B3GAT1: variants seen among roughly 807,000 people sequenced by gnomAD.
The protein encoded by B3GAT1 is galactosylgalactosylxylosylprotein 3-beta-glucuronosyltransferase 1.
A neutral mutation model predicts 28.4 loss-of-function variants in B3GAT1; 11 were observed. The observed-to-expected ratio is 0.39, with a 90% CI of 0.24 to 0.64. The LOEUF is 0.64. Among genes scored for constraint, B3GAT1 ranks in the 30% least tolerant of loss-of-function variants. The probability of loss-of-function intolerance (pLI) is 0.50; values close to 1 mark genes in which losing one functional copy is unlikely to be tolerated. For synonymous variants in B3GAT1, 255 were observed against 223.1 expected (o/e 1.14, Z -1.27); for missense variants, 375 against 491.0 (o/e 0.76, Z 2.23).
intron 1 of B3GAT1, among the ~76,000 whole-genome samples, chr11:134,395,800 C>T (rs1944494101): frequency 6.6e-6 from 1 of 152,200 alleles, no homozygotes; most frequent in African/African-American, 2.4e-5. Context: ...CCAATTCCTA[C>T]ACACTTGGCA....
chr11:134,388,766 C>T (rs958463240), intron 1 of B3GAT1: 1 of 152,222 alleles, frequency 6.6e-6, no homozygotes, highest in Non-Finnish European at 1.5e-5. Flanking sequence ...TGCATCCAGG[C>T]TGCTGCAAAG....
intron 1 of B3GAT1, among the ~76,000 whole-genome samples, chr11:134,392,529 C>T (rs1199056935): frequency 6.6e-6 from 1 of 152,152 alleles, no homozygotes; most frequent in Non-Finnish European, 1.5e-5. Flanking sequence ...GCCACCATGT[C>T]CAGCTAATTT....
At chr11:134,405,021 C>T (rs1237873932) in intron 1 of B3GAT1, among the ~76,000 whole-genome samples, 3 of 152,236 alleles carry the variant, frequency 2.0e-5, no homozygotes, top group South Asian at 4.1e-4. Context: ...CACGAGCGGC[C>T]GTCTCTCCCA....
chr11:134,401,613 A>G lies in B3GAT1; in HGVS notation c.-282+10194T>C, dbSNP rs192635586. Among the ~76,000 whole-genome samples, 529 of 152,230 alleles carry G rather than the reference A, an allele frequency of 3.5e-3. 2 individuals carry two copies. The highest frequency in any genetic ancestry group is 5.5e-3 in the Non-Finnish European group (373 of 68,010). ...GGGAGGGGGGAAGGGTTGAAAAACT[A>G]CCTACTGGTTACCATGCTCAGTACC... On this transcript the variant is annotated intron_variant, in intron 1 of 5. Transcript: ENST00000312527.
intron 1 of B3GAT1, chr11:134,388,304 A>T (rs949540216): frequency 4.8e-6 from 1 of 210,196 alleles, no homozygotes; most frequent in African/African-American, 2.2e-5. Flanking sequence ...GGCACTGTGG[A>T]TCCCTACCTC....
intron 1 of B3GAT1, among the ~76,000 whole-genome samples, chr11:134,407,731 A>T (rs1490719780): frequency 6.7e-6 from 1 of 150,156 alleles, no homozygotes; most frequent in African/African-American, 2.5e-5. Flanking sequence ...AATTTGCTGT[A>T]GCTGCAAAAA....
intron 3 of B3GAT1, 112 bp downstream of exon 3, chr11:134,383,568 G>A (rs1365621509): frequency 2.9e-6 from 4 of 1,369,722 alleles, no homozygotes; most frequent in African/African-American, 2.9e-5. Flanking sequence ...CTCCCAGCCC[G>A]GCTTCCCGGG....
At chr11:134,404,383 A>G (rs747815944) in intron 1 of B3GAT1, among the ~76,000 whole-genome samples, 24 of 152,144 alleles carry the variant, frequency 1.6e-4, no homozygotes, top group Non-Finnish European at 2.9e-4. Flanking sequence ...ACAACAATGT[A>G]AATATACTCA....
chr11:134,404,585 G>A (rs1258377823), intron 1 of B3GAT1, among the ~76,000 whole-genome samples: 1 of 152,184 alleles, frequency 6.6e-6, no homozygotes, highest in Non-Finnish European at 1.5e-5. Context: ...GTGTCTGTGT[G>A]TGATCTCAAG....
chr11:134,404,830 G>C (rs1482357200), intron 1 of B3GAT1, among the ~76,000 whole-genome samples: 1 of 152,234 alleles, frequency 6.6e-6, no homozygotes. Context: ...GATGAGTTAG[G>C]AGAGTAATAC....
intron 1 of B3GAT1, among the ~76,000 whole-genome samples, chr11:134,404,259 G>C (rs1173593043): frequency 1.3e-5 from 2 of 151,144 alleles, no homozygotes; most frequent in Non-Finnish European, 3.0e-5. Flanking sequence ...CTATGAGTGA[G>C]AACATGCGGT....
At position 134,412,008 on chromosome 11, in the gene B3GAT1, G is replaced by A. The variant is rs1164888182; in HGVS notation, c.-483C>T. ...CCGCCCCGCCCGGCCCCGCCGCCCCGGCCCGGCTCGTTCTGGGCTCAGCGA... is the reference window on the plus strand; with the variant it reads ...CCGCCCCGCCCGGCCCCGCCGCCCCAGCCCGGCTCGTTCTGGGCTCAGCGA... On this transcript the variant is annotated 5_prime_UTR_variant, in exon 1 of 6. Coordinates refer to ENST00000312527, the MANE Select transcript of B3GAT1 (RefSeq NM_054025.3). The A allele has an allele frequency of 1.5e-5, 2 of 136,492 alleles. No homozygotes were observed. The highest frequency in any genetic ancestry group is 3.2e-5 in the Non-Finnish European group (2 of 61,610). The allele number at this position is 136,492 out of a possible 1,614,324, so 8.5% of individuals were successfully genotyped here. A position where few individuals can be genotyped will look rare whatever the true frequency, so the allele number is the denominator to read the frequency against.
chr11:134,401,751 T>A (rs11822913), intron 1 of B3GAT1, among the ~76,000 whole-genome samples: 23,391 of 151,598 alleles, frequency 0.15, 2,074 homozygotes, highest in African/African-American at 0.24. Context: ...ATAAAAAATT[T>A]AAAAAAAAGT....
intron 1 of B3GAT1, among the ~76,000 whole-genome samples, chr11:134,408,929 T>C (rs58275227): frequency 5.2e-5 from 7 of 135,878 alleles, no homozygotes; most frequent in African/African-American, 2.5e-4. Context: ...CCTCCACCTA[T>C]TCCAGTGGGG....
Position 134,412,199 on chromosome 11 carries a change from A to T in B3GAT1, c.-674T>A, listed in dbSNP as rs1944876400. On this transcript the variant is annotated 5_prime_UTR_variant, in exon 1 of 6. Transcript: ENST00000312527. ...AGCCGAGCCGACCGGGCCGGCGCAG[A>T]GTCCCCGAGGTGGCGGCGGATGCGC... Among the ~76,000 whole-genome samples, 4 of 143,480 alleles carry T rather than the reference A, an allele frequency of 2.8e-5. No individual in the cohort carries two copies. In the South Asian group the frequency reaches 8.6e-4, roughly 31 times the overall value. The allele number at this position is 143,480 out of a possible 152,430, so 94.1% of individuals were successfully genotyped here.
chr11:134,407,455 A>G (rs537209682), intron 1 of B3GAT1, among the ~76,000 whole-genome samples: 1 of 152,268 alleles, frequency 6.6e-6, no homozygotes, highest in East Asian at 1.9e-4. Context: ...CACATTTCCC[A>G]CGTATGAGAA....
At chr11:134,383,123 C>G (rs1262456039) in intron 3 of B3GAT1, 117 bp from the exon 4 acceptor site, 1 of 1,191,850 alleles carries the variant, frequency 8.4e-7, no homozygotes, top group Non-Finnish European at 1.1e-6. Context: ...CCAGCCGCGG[C>G]CACCTAGGGG....
At chr11:134,402,750 T>C (rs1229890760) in intron 1 of B3GAT1, among the ~76,000 whole-genome samples, 2 of 151,996 alleles carry the variant, frequency 1.3e-5, no homozygotes, top group Non-Finnish European at 2.9e-5. Flanking sequence ...CTGTCTCTAC[T>C]GAAAATACAA....
intron 2 of B3GAT1, chr11:134,384,539 A>C: frequency 6.8e-6 from 2 of 293,816 alleles, no homozygotes; most frequent in Non-Finnish European, 6.4e-6. Flanking sequence ...CCCTAGCCCT[A>C]CTCATCTGGA....
Sources: allele counts gnomAD v4.1 joint callset (sites outside exome capture counted in the v4.1 genomes callset), GRCh38; gene constraint gnomAD v4.1.1; transcripts MANE v1.5; gene names NCBI Gene and HGNC (gene_info 2026-07-23, HGNC 2026-07-21).